Variants in ADAR observed in about 807,000 individuals in gnomAD.
ADAR encodes the protein double-stranded RNA-specific adenosine deaminase.
ADAR carries 41 observed loss-of-function variants against 113.2 expected under a neutral mutation model. That is an observed-to-expected ratio of 0.36 (90% CI 0.28 to 0.47). The LOEUF is 0.47. Ranked by LOEUF, ADAR falls within the 20% of genes least tolerant of loss-of-function variation. The probability of loss-of-function intolerance (pLI) is 1.00; values close to 1 mark genes in which losing one functional copy is unlikely to be tolerated. For synonymous variants in ADAR, 605 were observed against 572.6 expected (o/e 1.06, Z -0.81); for missense variants, 1,242 against 1,540.9 (o/e 0.81, Z 3.25).
chr1:154,607,640 C>T (rs1698284108), intron 1 of ADAR, among the ~76,000 whole-genome samples: 1 of 152,186 alleles, frequency 6.6e-6, no homozygotes, highest in Non-Finnish European at 1.5e-5. Flanking sequence ...AAGCCCTCTT[C>T]ACGCACTGCT....
intron 11 of ADAR, among the ~76,000 whole-genome samples, chr1:154,587,893 A>G (rs1045516816): frequency 6.6e-6 from 1 of 151,818 alleles, no homozygotes; most frequent in Non-Finnish European, 1.5e-5. Flanking sequence ...CCACATGGGA[A>G]CCCCCACCTC....
At position 154,583,783 on chromosome 1, in the gene ADAR, T is replaced by C. The variant is rs1696558423; in HGVS notation, c.*1023A>G. On this transcript the variant is annotated 3_prime_UTR_variant, in exon 15 of 15. Transcript: ENST00000368474. ...CTTGGTGTCACTGTCATGAGAGATATTACACCGGGTGGAACAGTGACGTTA... is the reference window on the plus strand; with the variant it reads ...CTTGGTGTCACTGTCATGAGAGATACTACACCGGGTGGAACAGTGACGTTA... The C allele has an allele frequency of 6.6e-6, 1 of 152,242 alleles. No individual in the cohort carries two copies. The highest frequency in any genetic ancestry group is 2.4e-5 in the African/African-American group (1 of 41,468). 9.4% of individuals were successfully genotyped at this position (152,242 alleles called of 1,614,324 possible).
At chr1:154,588,479 G>A (rs954813699) in intron 10 of ADAR, 72 bp downstream of exon 10, 3 of 1,598,858 alleles carry the variant, frequency 1.9e-6, no homozygotes, top group African/African-American at 1.3e-5. Flanking sequence ...TTACAGGCCA[G>A]GAGAGCATTT....
chr1:154,611,388 GTCTTATTCATAAACGTT>G (rs1427071452), upstream of ADAR, among the ~76,000 whole-genome samples: 1 of 151,746 alleles, frequency 6.6e-6, no homozygotes, highest in African/African-American at 2.4e-5. Flanking sequence ...ACTGCAGACA[GTCTTATTCATAAACGTT>G]TCATCTCCTC....
At chr1:154,620,098 C>T (rs1321694248) in intron 1 of ADAR, among the ~76,000 whole-genome samples, 2 of 152,200 alleles carry the variant, frequency 1.3e-5, no homozygotes, top group Non-Finnish European at 2.9e-5. Flanking sequence ...CCTAACACTA[C>T]TGAACTATAC....
chr1:154,608,193 G>A (rs967780581), upstream of ADAR: 5 of 677,458 alleles, frequency 7.4e-6, no homozygotes, highest in Admixed American at 4.1e-5. Flanking sequence ...GTTCAATTTC[G>A]CTTTCGTTTC....
intron 13 of ADAR, 105 bp from the exon 14 acceptor site, chr1:154,585,449 T>C (rs1696695481): frequency 1.3e-6 from 2 of 1,540,202 alleles, no homozygotes; most frequent in South Asian, 1.1e-5. Context: ...GGGGTCATGA[T>C]CTTTCCCCTG....
At chr1:154,621,273 T>C (rs1571150154) in intron 1 of ADAR, among the ~76,000 whole-genome samples, 1 of 152,040 alleles carries the variant, frequency 6.6e-6, no homozygotes, top group South Asian at 2.1e-4. Flanking sequence ...AAAAGTCATA[T>C]GTAAAAATGC....
intron 6 of ADAR, among the ~76,000 whole-genome samples, chr1:154,591,850 G>A (rs1223268956): frequency 6.6e-6 from 1 of 152,146 alleles, no homozygotes; most frequent in Non-Finnish European, 1.5e-5. Flanking sequence ...ATGCTGGCAG[G>A]CCCGTGCAGG....
intron 1 of ADAR, among the ~76,000 whole-genome samples, chr1:154,618,451 G>A (rs1319023696): frequency 6.6e-6 from 1 of 152,178 alleles, no homozygotes; most frequent in Non-Finnish European, 1.5e-5. Flanking sequence ...AAGTTCAGAT[G>A]CAATTAATAG....
intron 6 of ADAR, among the ~76,000 whole-genome samples, chr1:154,593,530 CAGA>C (rs1697304527): frequency 2.0e-5 from 3 of 152,128 alleles, no homozygotes; most frequent in African/African-American, 7.2e-5. Flanking sequence ...AAGGATTTCA[CAGA>C]AGATTTCACA....
In ADAR at chr1:154,586,196, T is replaced by C; in HGVS notation, c.3187A>G (p.Lys1063Glu). 1 of 1,613,706 alleles carries C rather than the reference T, an allele frequency of 6.2e-7. No individual in the cohort carries two copies. Among genetic ancestry groups the C allele is most frequent in the Non-Finnish European group, 8.5e-7 (1 of 1,179,652 alleles). The change falls in exon 12 of 15, where the codon AAA becomes GAA. Residue 1063 changes from lysine (K) to glutamate (E), a missense_variant. Around this residue, in one of 2 missense-constraint regions of ADAR, gnomAD observed 780 missense variants for 1,057.9 expected, o/e 0.74. Coordinates refer to ENST00000368474, the MANE Select transcript of ADAR (RefSeq NM_001111.5). The part of the protein sequence containing the change: ...LTHFLQPIYL[K>E]SVTLGYLFSQ... ...GGCCCCTTACCCAATGTGACAGATT[T>C]GAGATAAATGGGCTGCAGGAAGTGG... is the stretch of plus-strand genomic sequence containing the variant.
In ADAR at chr1:154,583,043, T is replaced by C. The variant is rs1283363837; in HGVS notation, c.*1763A>G. The C allele has an allele frequency of 1.3e-5, 2 of 152,248 alleles. No individual in the cohort carries two copies. The highest frequency in any genetic ancestry group is 4.8e-5 in the African/African-American group (2 of 41,464). The allele number at this position is 152,248 out of a possible 1,614,324, so 9.4% of individuals were successfully genotyped here. ...GAATAAAAGCAAAGATGTGAATGTC[T>C]CTACCAGACAGAGGATGACCTAGTC... On this transcript the variant is annotated 3_prime_UTR_variant, in exon 15 of 15. Coordinates refer to ENST00000368474, the MANE Select transcript of ADAR (RefSeq NM_001111.5).
rs745866663 is a variant in ADAR, at chr1:154,585,020, A to G, written c.3467T>C (p.Val1156Ala). 6.2e-7 allele frequency: 1 copy of G among 1,613,952 alleles called. No individual in the cohort carries two copies. Among genetic ancestry groups the G allele is most frequent in the Non-Finnish European group, 8.5e-7 (1 of 1,180,004 alleles). ...VDGPRNELSR[V>A]SKKNIFLLFK... ...TAGAAGAAAAATGTTCTTTTTGGAG[A>G]CCCGGGACAATTCATTCCGTGGCCT... The change falls in exon 15 of 15, where the codon GTC becomes GCC. Residue 1156 changes from valine (V) to alanine (A), a missense_variant. Around this residue, in one of 2 missense-constraint regions of ADAR, gnomAD observed 780 missense variants for 1,057.9 expected, o/e 0.74. Coordinates refer to ENST00000368474, the MANE Select transcript of ADAR (RefSeq NM_001111.5).
At chr1:154,599,603 C>T (rs1267598887) in intron 2 of ADAR, among the ~76,000 whole-genome samples, 2 of 152,196 alleles carry the variant, frequency 1.3e-5, no homozygotes, top group African/African-American at 2.4e-5. Context: ...GAATCTACAC[C>T]CCTAGAAACC....
chr1:154,602,696 C>T, intron 1 of ADAR, 70 bp from the exon 2 acceptor site: 1 of 1,577,776 alleles, frequency 6.3e-7, no homozygotes, highest in Non-Finnish European at 8.6e-7. Flanking sequence ...AGGCCCCTCC[C>T]TTTGCTGCCT....
intron 2 of ADAR, among the ~76,000 whole-genome samples, chr1:154,599,118 T>G (rs955745198): frequency 3.9e-5 from 6 of 152,204 alleles, no homozygotes; most frequent in Non-Finnish European, 8.8e-5. Context: ...TAGTTTGTTA[T>G]GAGTCACTCT....
At position 154,597,107 on chromosome 1, in the gene ADAR, T is replaced by A. The variant is rs902635598; in HGVS notation, c.2079+16A>T. On this transcript the variant is annotated intron_variant, in intron 5 of 14. Transcript: ENST00000368474. ...CTAAAAATGACCTGTATCTTTTGAG[T>A]AGGAAAACGCCCTACCTGGTTATCA... 1 of 1,614,152 alleles carries A rather than the reference T, an allele frequency of 6.2e-7. No individual in the cohort carries two copies. The highest frequency in any genetic ancestry group is 8.5e-7 in the Non-Finnish European group (1 of 1,180,024).
rs575652207 is a variant in ADAR at position 154,608,173 on chromosome 1, G to C, written c.-167C>G. ...CCGCGGGTCTGCGCGCCGGGCCCAA[G>C]ATGGCTCCGGTTCAATTTCGCTTTC... On this transcript the variant is annotated 5_prime_UTR_variant, in exon 1 of 15. The change creates a new upstream start codon in the 5' untranslated region. Coordinates refer to ENST00000368474, the MANE Select transcript of ADAR (RefSeq NM_001111.5). The C allele has an allele frequency of 2.5e-6, 2 of 794,104 alleles. No individual in the cohort carries two copies. Among genetic ancestry groups the C allele is most frequent in the Admixed American group, 8.0e-5 (2 of 25,054 alleles). The allele number at this position is 794,104 out of a possible 1,614,324, so 49.2% of individuals were successfully genotyped here.
Sources: allele counts gnomAD v4.1 joint callset (sites outside exome capture counted in the v4.1 genomes callset), GRCh38; gene constraint gnomAD v4.1.1; regional missense constraint gnomAD v4.1.1; transcripts MANE v1.5; gene names NCBI Gene and HGNC (gene_info 2026-07-23, HGNC 2026-07-21).